The following CIROZ variants were observed in gnomAD, a reference collection of about 807,000 sequenced individuals.
CIROZ encodes the protein ciliated left-right organizer ZP-N domains-containing protein.
chr1:10,973,763 C>G, the CIROZ span, among the ~76,000 whole-genome samples: 3 of 152,128 alleles, frequency 2.0e-5, no homozygotes, highest in African/African-American at 7.2e-5. Flanking sequence ...CTCTGTGGAG[C>G]AGGCAGGAGC....
At chr1:10,956,499 G>A in the CIROZ span, among the ~76,000 whole-genome samples, 1 of 146,314 alleles carries the variant, frequency 6.8e-6, no homozygotes, top group Admixed American at 6.9e-5. Context: ...TTTTTGAGAT[G>A]GAGTCTCGCT....
At chr1:10,955,844 C>CA in the CIROZ span, among the ~76,000 whole-genome samples, 18,780 of 98,126 alleles carry the variant, frequency 0.19, 1,764 homozygotes, top group South Asian at 0.4. Context: ...AACTCCATCT[C>CA]AAAAAAAAAA....
the CIROZ span, chr1:10,956,920 T>C: frequency 1.0e-6 from 1 of 975,270 alleles, no homozygotes; most frequent in South Asian, 1.7e-5. Flanking sequence ...AGAGGAGAGG[T>C]GGGATGAGAC....
the CIROZ span, chr1:10,948,986 A>G: frequency 1.4e-6 from 1 of 740,176 alleles, no homozygotes; most frequent in Non-Finnish European, 1.9e-6. Context: ...ACACAATAGG[A>G]GGCCAAGGCG....
At chr1:10,948,892 C>T in the CIROZ span, 33 of 1,452,886 alleles carry the variant, frequency 2.3e-5, no homozygotes, top group South Asian at 3.4e-4. Context: ...GAAACAAGAA[C>T]ACATGGGCTC....
the CIROZ span, among the ~76,000 whole-genome samples, chr1:10,946,976 G>A: frequency 3.3e-5 from 5 of 152,182 alleles, no homozygotes; most frequent in Non-Finnish European, 4.4e-5. Flanking sequence ...TGCCTGGGCC[G>A]GGAGGTGGAT....
the CIROZ span, among the ~76,000 whole-genome samples, chr1:10,967,012 G>T: frequency 6.6e-6 from 1 of 152,036 alleles, no homozygotes; most frequent in Non-Finnish European, 1.5e-5. Context: ...AGCCAGGCAT[G>T]GTGGTGCCCG....
chr1:10,980,962 T>C, the CIROZ span, among the ~76,000 whole-genome samples: 1 of 152,224 alleles, frequency 6.6e-6, no homozygotes, highest in Admixed American at 6.5e-5. Flanking sequence ...CTGCCTTCAT[T>C]GTCTACAGAC....
chr1:10,951,603 T>A, the CIROZ span, among the ~76,000 whole-genome samples: 1 of 150,966 alleles, frequency 6.6e-6, no homozygotes, highest in Non-Finnish European at 1.5e-5. Flanking sequence ...CTTGTACCTA[T>A]AATCCCAGCT....
the CIROZ span, chr1:10,958,586 G>A: frequency 1.8e-6 from 2 of 1,121,610 alleles, no homozygotes; most frequent in Admixed American, 1.8e-5. Context: ...TGAAGAGTCT[G>A]TACCATCCAC....
At chr1:10,948,537 A>T in the CIROZ span, 69,767 of 1,614,084 alleles carry the variant, frequency 0.043, 2,502 homozygotes, top group African/African-American at 0.19. Context: ...TGGTCCTGAG[A>T]CCAGAAGTGA....
chr1:10,976,843 A>T, the CIROZ span, among the ~76,000 whole-genome samples: 1 of 152,140 alleles, frequency 6.6e-6, no homozygotes, highest in East Asian at 1.9e-4. Context: ...GTGTGAAAAG[A>T]TCATCCTCAA....
chr1:10,981,001 C>T, the CIROZ span, among the ~76,000 whole-genome samples: 1 of 152,256 alleles, frequency 6.6e-6, no homozygotes, highest in Non-Finnish European at 1.5e-5. Flanking sequence ...CCAACAAAAG[C>T]CCTGCAGTCC....
chr1:10,973,687 TG>T, the CIROZ span, among the ~76,000 whole-genome samples: 1 of 152,094 alleles, frequency 6.6e-6, no homozygotes, highest in Non-Finnish European at 1.5e-5. Context: ...CCTTCTGAGT[TG>T]GGACGGGAAC....
chr1:10,969,854 A>G, the CIROZ span: 1 of 1,388,872 alleles, frequency 7.2e-7, no homozygotes, highest in Non-Finnish European at 9.3e-7. Flanking sequence ...CTTTGAGCAG[A>G]GATTTGAGTG....
At chr1:10,948,271 C>T in the CIROZ span, 5 of 1,613,970 alleles carry the variant, frequency 3.1e-6, no homozygotes, top group African/African-American at 6.7e-5. Flanking sequence ...GGCCTCTCCA[C>T]CTCCGTTCCA....
the CIROZ span, among the ~76,000 whole-genome samples, chr1:10,976,740 C>A: frequency 2.8e-5 from 4 of 145,110 alleles, no homozygotes; most frequent in Non-Finnish European, 4.5e-5. Flanking sequence ...AATAGAAGAA[C>A]AAAATAATCT....
the CIROZ span, chr1:10,948,963 G>A: frequency 1.3e-5 from 13 of 994,066 alleles, no homozygotes; most frequent in South Asian, 1.2e-4. Context: ...GGTGGCTCAC[G>A]ACTGTAATCC....
chr1:10,961,457 C>A, the CIROZ span, among the ~76,000 whole-genome samples: 1 of 152,328 alleles, frequency 6.6e-6, no homozygotes, highest in South Asian at 2.1e-4. Context: ...GTGAGCCGGG[C>A]TCAGAGCGGA....
Sources: gnomAD v4.1 joint callset for allele counts (sites outside exome capture counted in the v4.1 genomes callset) on GRCh38, gnomAD v4.1.1 for gene constraint, MANE v1.5 for transcripts, NCBI Gene and HGNC (gene_info 2026-07-23, HGNC 2026-07-21) for gene names.